The following DIP2C variants were observed in gnomAD, a reference collection of about 807,000 sequenced individuals.
DIP2C encodes DIP2 acetate--CoA ligase C (putative), also known as disco-interacting protein 2 homolog C.
In DIP2C, 33 loss-of-function variants were observed where a neutral mutation model predicts 192.4. That is an observed-to-expected ratio of 0.17 (90% CI 0.13 to 0.23). DIP2C has a LOEUF of 0.23. DIP2C is among the 10% of genes least tolerant of loss of function. DIP2C has a pLI of 1.00. For missense variants in DIP2C, 1,537 were observed against 2,110.1 expected (o/e 0.73, Z 5.32); for synonymous variants, 979 against 864.1 (o/e 1.13, Z -2.33).
chr10:511,498 G>T (rs1846008735), intron 1 of DIP2C, among the ~76,000 whole-genome samples: 2 of 152,222 alleles, frequency 1.3e-5, no homozygotes, highest in African/African-American at 4.8e-5. Context: ...TAAACACGGA[G>T]AAGTATGAGG....
intron 1 of DIP2C, among the ~76,000 whole-genome samples, chr10:617,661 CCA>C (rs938098754): frequency 2.0e-5 from 3 of 150,440 alleles, no homozygotes; most frequent in Admixed American, 6.6e-5. Context: ...TACCACCCCC[CCA>C]CCCCCACCCC....
At chr10:594,616 C>G (rs975226713) in intron 1 of DIP2C, among the ~76,000 whole-genome samples, 1 of 152,004 alleles carries the variant, frequency 6.6e-6, no homozygotes, top group Admixed American at 6.5e-5. Context: ...ACCATTTCAA[C>G]GTAAGGGAAC....
At chr10:303,335 G>A (rs1345991942) in intron 32 of DIP2C, among the ~76,000 whole-genome samples, 2 of 152,194 alleles carry the variant, frequency 1.3e-5, no homozygotes, top group Non-Finnish European at 2.9e-5. Context: ...CACTGTACTC[G>A]TAAGCTACAC....
At chr10:572,334 G>A (rs768102981) in intron 1 of DIP2C, among the ~76,000 whole-genome samples, 2 of 152,154 alleles carry the variant, frequency 1.3e-5, no homozygotes, top group Non-Finnish European at 2.9e-5. Flanking sequence ...CCTTTATATT[G>A]CAGTTAACTG....
At chr10:311,373 C>T (rs958104368) in intron 31 of DIP2C, among the ~76,000 whole-genome samples, 1 of 152,234 alleles carries the variant, frequency 6.6e-6, no homozygotes. Context: ...ACGCGTGAGG[C>T]CTGAACGTGA....
intron 1 of DIP2C, among the ~76,000 whole-genome samples, chr10:504,199 G>GT (rs1487987086): frequency 2.0e-5 from 3 of 152,212 alleles, no homozygotes; most frequent in Non-Finnish European, 4.4e-5. Context: ...GACCCACAGC[G>GT]TATCAATCAC....
chr10:513,624 C>CTGAAAA (rs1554887558), intron 1 of DIP2C, among the ~76,000 whole-genome samples: 1 of 152,100 alleles, frequency 6.6e-6, no homozygotes, highest in Admixed American at 6.5e-5. Flanking sequence ...CACACCTTAC[C>CTGAAAA]TGAAAGTCAC....
chr10:652,786 AT>A lies in DIP2C; in HGVS notation c.85+36707del, dbSNP rs1288794942. On this transcript the variant is annotated intron_variant, in intron 1 of 36. Coordinates refer to ENST00000280886, the MANE Select transcript of DIP2C (RefSeq NM_014974.3). This position sits in a 1 kb window ranked among gnomAD's most constrained non-coding sequence, Gnocchi z 4.5. ...CAAGCACAGAACCGCACGCAGAGTG[AT>A]TTTTTTTTTTTTAAACAGAAATGGC... is the stretch of plus-strand genomic sequence containing the variant. The A allele has an allele frequency of 0.011, 1,651 of 145,828 alleles. 21 individuals carry two copies. The highest frequency in any genetic ancestry group is 0.031 in the African/African-American group (1,251 of 40,042). 9.0% of individuals were successfully genotyped at this position (145,828 alleles called of 1,614,324 possible).
At chr10:614,423 G>T (rs1853306076) in intron 1 of DIP2C, among the ~76,000 whole-genome samples, 1 of 152,220 alleles carries the variant, frequency 6.6e-6, no homozygotes, top group African/African-American at 2.4e-5. Flanking sequence ...CTCTGTGGTG[G>T]GATCCGTCTC....
At chr10:308,498 A>T (rs571733372) in intron 32 of DIP2C, among the ~76,000 whole-genome samples, 1 of 149,704 alleles carries the variant, frequency 6.7e-6, no homozygotes, top group Admixed American at 6.6e-5. Context: ...TTATATAATT[A>T]TGAGTTATTT....
At chr10:598,751 G>GA (rs1851873033) in intron 1 of DIP2C, among the ~76,000 whole-genome samples, 1 of 152,246 alleles carries the variant, frequency 6.6e-6, no homozygotes, top group African/African-American at 2.4e-5. Context: ...AACCAAGCAA[G>GA]AATCTTTGGC....
intron 29 of DIP2C, among the ~76,000 whole-genome samples, chr10:333,624 C>T (rs377046385): frequency 6.6e-6 from 1 of 152,198 alleles, no homozygotes; most frequent in East Asian, 1.9e-4. Context: ...AGTGGATGTT[C>T]GCTTTCCTTT....
intron 1 of DIP2C, among the ~76,000 whole-genome samples, chr10:617,806 C>T (rs1352315090): frequency 6.6e-6 from 1 of 151,984 alleles, no homozygotes; most frequent in Non-Finnish European, 1.5e-5. Flanking sequence ...ACCATCCAGG[C>T]TCTGGTGGGT....
intron 28 of DIP2C, among the ~76,000 whole-genome samples, chr10:342,603 C>T (rs1958211496): frequency 6.6e-6 from 1 of 152,206 alleles, no homozygotes; most frequent in Non-Finnish European, 1.5e-5. Flanking sequence ...CCAGCAAGAC[C>T]TGCTGGGTGG....
At chr10:483,025 T>C (rs1288718634) in intron 2 of DIP2C, among the ~76,000 whole-genome samples, 1 of 152,180 alleles carries the variant, frequency 6.6e-6, no homozygotes. Flanking sequence ...CAACTAGATT[T>C]AGGCAGGTGC....
At chr10:500,340 T>C (rs1445846316) in intron 1 of DIP2C, among the ~76,000 whole-genome samples, 1 of 152,264 alleles carries the variant, frequency 6.6e-6, no homozygotes, top group Non-Finnish European at 1.5e-5. Flanking sequence ...CGTTATACAG[T>C]ACTATTTCAG....
In DIP2C at chr10:341,218, C is replaced by G; in HGVS notation, c.3565G>C (p.Val1189Leu). ...TCTTACCTGCAGAGGCACCAGAGGACAAATCCCAGTCCACAGTAAGGGTCC... is the reference window on the plus strand; with the variant it reads ...TCTTACCTGCAGAGGCACCAGAGGAGAAATCCCAGTCCACAGTAAGGGTCC... ...CLDPYCGLGFVLWCLCSVYSG... is the reference protein window; with the variant it reads ...CLDPYCGLGFLLWCLCSVYSG... Residue 1189 changes from valine (V) to leucine (L), a missense_variant, in exon 29 of 37, where the codon GTC becomes CTC. Physicochemically the swap from Val to Leu is conservative, Grantham distance 32. This residue lies in a region of DIP2C where 341 missense variants were observed against 551.7 expected (regional missense o/e 0.62). Transcript: ENST00000280886. The G allele has an allele frequency of 6.2e-7, 1 of 1,614,148 alleles. No homozygotes were observed. Among genetic ancestry groups the G allele is most frequent in the Non-Finnish European group, 8.5e-7 (1 of 1,180,018 alleles).
chr10:476,617 C>T (rs757293285), intron 2 of DIP2C, among the ~76,000 whole-genome samples: 2 of 152,184 alleles, frequency 1.3e-5, no homozygotes, highest in East Asian at 1.9e-4. Context: ...AACATTCTCC[C>T]GTGACTGCCT....
chr10:662,511 C>A (rs1204911333), intron 1 of DIP2C, among the ~76,000 whole-genome samples: 1 of 152,212 alleles, frequency 6.6e-6, no homozygotes, highest in Non-Finnish European at 1.5e-5. Context: ...CATGAAGCAG[C>A]TGTGTTTGCT....
Sources: gnomAD v4.1 joint callset for allele counts (sites outside exome capture counted in the v4.1 genomes callset) on GRCh38, gnomAD v4.1.1 for gene constraint, gnomAD v4.1.1 regional missense constraint, Gnocchi (gnomAD v3.1) non-coding constraint, MANE v1.5 for transcripts, NCBI Gene and HGNC (gene_info 2026-07-23, HGNC 2026-07-21) for gene names.